Variants in ACVR1 observed in about 807,000 individuals in gnomAD.
The protein encoded by ACVR1 is activin receptor type-1.
ACVR1 carries 38 observed loss-of-function variants against 57.1 expected under a neutral mutation model. That is an observed-to-expected ratio of 0.67 (90% CI 0.51 to 0.87). The LOEUF (loss-of-function observed/expected upper bound fraction) is 0.87. ACVR1 is among the 40% of genes least tolerant of loss of function. ACVR1 has a pLI of 0.00. For missense variants in ACVR1, 463 were observed against 638.2 expected (o/e 0.73, Z 2.96); for synonymous variants, 212 against 228.1 (o/e 0.93, Z 0.63).
At chr2:157,867,752 C>T (rs1482339833) in intron 1 of ACVR1, among the ~76,000 whole-genome samples, 1 of 151,752 alleles carries the variant, frequency 6.6e-6, no homozygotes, top group African/African-American at 2.4e-5. Flanking sequence ...GCTCAGAGAC[C>T]ACCAGTTTTC....
intron 1 of ACVR1, among the ~76,000 whole-genome samples, chr2:157,835,041 C>G (rs1344419764): frequency 6.6e-6 from 1 of 152,176 alleles, no homozygotes; most frequent in Non-Finnish European, 1.5e-5. Context: ...GCTACACAGC[C>G]TCTGGAATTT....
At chr2:157,809,564 C>T (rs748085011) in intron 2 of ACVR1, among the ~76,000 whole-genome samples, 24 of 151,728 alleles carry the variant, frequency 1.6e-4, no homozygotes, top group Non-Finnish European at 3.5e-4. Context: ...GGATGGATAC[C>T]GGGTGGAGAG....
intron 2 of ACVR1, among the ~76,000 whole-genome samples, chr2:157,815,929 C>T (rs1053315859): frequency 9.9e-5 from 15 of 152,156 alleles, no homozygotes; most frequent in Non-Finnish European, 1.8e-4. Context: ...AAAGGTCTCC[C>T]GCCTACCCCC....
rs1690131798 is a variant in ACVR1, at chr2:157,872,102, C to T, written c.-183+3694G>A. 2.0e-5 allele frequency among the ~76,000 whole-genome samples: 3 copies of T among 152,280 alleles called. No individual in the cohort carries two copies. In the South Asian group the frequency reaches 6.2e-4, roughly 32 times the overall value. On this transcript the variant is annotated intron_variant, in intron 1 of 10. Transcript: ENST00000434821. ...AGCTGGAATTGGCCACAGAAAGAAA[C>T]ACAAAGTTTTCACTCCAAAAGATCA...
At chr2:157,813,100 A>G (rs751719166) in intron 2 of ACVR1, among the ~76,000 whole-genome samples, 23 of 152,226 alleles carry the variant, frequency 1.5e-4, no homozygotes, top group Non-Finnish European at 2.8e-4. Context: ...GATTCTTTTA[A>G]AGTTCCTATT....
At chr2:157,832,245 T>A (rs956184162) in intron 1 of ACVR1, among the ~76,000 whole-genome samples, 1 of 152,164 alleles carries the variant, frequency 6.6e-6, no homozygotes, top group Non-Finnish European at 1.5e-5. Flanking sequence ...CTACTGAGAA[T>A]CTGCAAATCA....
At chr2:157,788,721 G>T (rs1018394024) in intron 3 of ACVR1, among the ~76,000 whole-genome samples, 3 of 152,016 alleles carry the variant, frequency 2.0e-5, no homozygotes, top group Non-Finnish European at 2.9e-5. Flanking sequence ...GGGGGTCTTG[G>T]AATGTATTCC....
intron 3 of ACVR1, among the ~76,000 whole-genome samples, chr2:157,787,894 C>A (rs184515395): frequency 2.0e-5 from 3 of 152,142 alleles, no homozygotes; most frequent in Non-Finnish European, 4.4e-5. Context: ...TTGCCTCCTA[C>A]TCTACCTCTC....
rs1329295647 is a variant in ACVR1, at chr2:157,738,508, C to T, written c.1327G>A (p.Asp443Asn). The T allele has an allele frequency of 6.2e-7, 1 of 1,614,124 alleles. No individual in the cohort carries two copies. The highest frequency in any genetic ancestry group is 8.5e-7 in the Non-Finnish European group (1 of 1,179,986). Reference protein sequence around the residue: ...DVVPNDPSFEDMRKVVCVDQQ... With the variant: ...DVVPNDPSFENMRKVVCVDQQ... ...TCCACACAGACTACCTTCCTCATAT[C>T]TTCAAAACTTGGGTCATTGGGAACC... The change falls in exon 10 of 11, where the codon GAT becomes AAT. Residue 443 changes from aspartate to asparagine, a missense_variant. Around this residue, in one of 3 missense-constraint regions of ACVR1, gnomAD observed 146 missense variants for 186.6 expected, o/e 0.78. Transcript: ENST00000434821.
At chr2:157,776,086 T>C (rs1686275879) in intron 5 of ACVR1, among the ~76,000 whole-genome samples, 2 of 152,214 alleles carry the variant, frequency 1.3e-5, no homozygotes, top group Admixed American at 6.5e-5. Context: ...AACATACAAA[T>C]GAGCATATTG....
chr2:157,811,126 T>C (rs1295288941), intron 2 of ACVR1, among the ~76,000 whole-genome samples: 2 of 149,866 alleles, frequency 1.3e-5, no homozygotes, highest in Non-Finnish European at 3.0e-5. Context: ...CCTCCCTAGC[T>C]GGGATTTGTG....
chr2:157,800,364 ACAG>A (rs1687278695), intron 2 of ACVR1, among the ~76,000 whole-genome samples: 2 of 152,138 alleles, frequency 1.3e-5, no homozygotes, highest in Non-Finnish European at 2.9e-5. Flanking sequence ...GCGGTGGCTC[ACAG>A]CTGTAATCCC....
intron 1 of ACVR1, among the ~76,000 whole-genome samples, chr2:157,855,298 G>GTATATATA (rs1169941150): frequency 1.4e-5 from 1 of 70,098 alleles, no homozygotes; most frequent in African/African-American, 5.8e-5. Context: ...GTGTGTGTGT[G>GTATATATA]TGTGTGTGTG....
intron 5 of ACVR1, among the ~76,000 whole-genome samples, chr2:157,775,375 T>G (rs567064861): frequency 6.6e-6 from 1 of 152,354 alleles, no homozygotes; most frequent in African/African-American, 2.4e-5. Context: ...ATAGATTATC[T>G]GTAATAAACA....
Position 157,841,888 on chromosome 2 carries a change from G to A in ACVR1, c.-182-23329C>T, listed in dbSNP as rs564436656. ...AATATTTTTAAAAAATTAGCTGGGC[G>A]TTGTGGCAGGCGCCTGTAGGGTCAG... On this transcript the variant is annotated intron_variant, in intron 1 of 10. Coordinates refer to ENST00000434821, the MANE Select transcript of ACVR1 (RefSeq NM_001111067.4). Among the ~76,000 whole-genome samples the A allele has an allele frequency of 2.6e-5, 4 of 151,894 alleles. No individual in the cohort carries two copies. The South Asian group carries it at 8.4e-4, about 32-fold the overall frequency.
At chr2:157,845,942 G>A (rs937262133) in intron 1 of ACVR1, among the ~76,000 whole-genome samples, 1 of 152,138 alleles carries the variant, frequency 6.6e-6, no homozygotes, top group Non-Finnish European at 1.5e-5. Flanking sequence ...TAAACTAGCA[G>A]GAAATATATA....
In ACVR1 at chr2:157,737,406, G is replaced by C; in HGVS notation, c.*125C>G. 7.6e-7 allele frequency: 1 copy of C among 1,319,982 alleles called. No homozygotes were observed. The highest frequency in any genetic ancestry group is 1.1e-6 in the Non-Finnish European group (1 of 944,378). The allele number at this position is 1,319,982 out of a possible 1,614,324, so 81.8% of individuals were successfully genotyped here. The stretch of plus-strand genomic sequence containing the variant: ...CATGGCTGGGTACGACGTCTGCCTT[G>C]TCAAAGCAGCCATTTGGGGAGGGAG... On this transcript the variant is annotated 3_prime_UTR_variant, in exon 11 of 11. Transcript: ENST00000434821.
intron 3 of ACVR1, among the ~76,000 whole-genome samples, chr2:157,786,450 G>T (rs759738289): frequency 7.9e-5 from 12 of 152,182 alleles, no homozygotes; most frequent in Non-Finnish European, 1.5e-4. Context: ...AGCCCATAAA[G>T]TCTTTAAATG....
At chr2:157,864,279 A>G (rs1030993387) in intron 1 of ACVR1, among the ~76,000 whole-genome samples, 1 of 151,498 alleles carries the variant, frequency 6.6e-6, no homozygotes, top group Non-Finnish European at 1.5e-5. Flanking sequence ...TGGCATAATC[A>G]TGGCTCACTG....
Sources: allele counts gnomAD v4.1 joint callset (sites outside exome capture counted in the v4.1 genomes callset), GRCh38; gene constraint gnomAD v4.1.1; regional missense constraint gnomAD v4.1.1; transcripts MANE v1.5; gene names NCBI Gene and HGNC (gene_info 2026-07-23, HGNC 2026-07-21).